Variants in C18orf32 observed in about 807,000 individuals in gnomAD.
The protein encoded by C18orf32 is UPF0729 protein C18orf32.
Under a neutral mutation model 7.4 loss-of-function variants are expected in C18orf32, and 5 were observed. The observed-to-expected ratio is 0.68, with a 90% CI of 0.35 to 1.42. C18orf32 has a LOEUF of 1.42. C18orf32 is among the 40% of genes most tolerant of loss of function. The pLI is 0.04. For synonymous variants in C18orf32, 30 were observed against 29.3 expected, an observed-to-expected ratio of 1.02 and a Z score of -0.08; for missense variants, 88 against 92.4, an observed-to-expected ratio of 0.95 and a Z score of 0.19.
At position 49,482,190 on chromosome 18, in the gene C18orf32, G is replaced by A. The variant is rs984851061; in HGVS notation, c.*155C>T. On this transcript the variant is annotated 3_prime_UTR_variant, in exon 3 of 3. Coordinates refer to ENST00000318240, the MANE Select transcript of C18orf32 (RefSeq NM_001035005.4). The stretch of plus-strand genomic sequence containing the variant: ...ATATAACTAACTACATTTTAAATAC[G>A]GATATCATATATTTCCTGATTAGTA... The A allele has an allele frequency of 3.3e-5, 21 of 639,642 alleles. No homozygotes were observed. Among genetic ancestry groups the A allele is most frequent in the East Asian group, 1.6e-4 (6 of 36,796 alleles). 39.6% of individuals were successfully genotyped at this position (639,642 alleles called of 1,614,324 possible).
rs2083637723 is a variant in C18orf32 at position 49,478,693 on chromosome 18, C to T, written c.*3652G>A. ...GCTCTTACTAAAAAGGCAGCCCTGACCTTTACACAGACAGATGTTGATATT... is the reference window on the plus strand; with the variant it reads ...GCTCTTACTAAAAAGGCAGCCCTGATCTTTACACAGACAGATGTTGATATT... On this transcript the variant is annotated 3_prime_UTR_variant, in exon 3 of 3. Transcript: ENST00000318240. The T allele has an allele frequency of 6.7e-6, 1 of 150,250 alleles. No individual in the cohort carries two copies. Among genetic ancestry groups the T allele is most frequent in the Admixed American group, 6.6e-5 (1 of 15,226 alleles). The allele number at this position is 150,250 out of a possible 1,614,324, so 9.3% of individuals were successfully genotyped here.
At chr18:49,485,531 G>A (rs1450236919) in intron 1 of C18orf32, among the ~76,000 whole-genome samples, 3 of 151,384 alleles carry the variant, frequency 2.0e-5, no homozygotes, top group Admixed American at 6.6e-5. Flanking sequence ...TCCAGCCTGC[G>A]TGACAAGAGC....
rs1050982924 is a variant in C18orf32 at position 49,481,193 on chromosome 18, A to G, written c.*1152T>C. The G allele has an allele frequency of 1.3e-5, 2 of 152,140 alleles. No homozygotes were observed. Among genetic ancestry groups the G allele is most frequent in the African/African-American group, 4.8e-5 (2 of 41,440 alleles). 9.4% of individuals were successfully genotyped at this position (152,140 alleles called of 1,614,324 possible). A position where few individuals can be genotyped will look rare whatever the true frequency, so the allele number is the denominator to read the frequency against. On this transcript the variant is annotated 3_prime_UTR_variant, in exon 3 of 3. Transcript: ENST00000318240. ...TGAGACCTGCTGATTTACATGATTT[A>G]TATCAAATAAAGCCCAAGGTAAATC...
intron 2 of C18orf32, among the ~76,000 whole-genome samples, 154 bp from the exon 3 acceptor site, chr18:49,482,564 T>A (rs986374583): frequency 6.6e-6 from 1 of 151,806 alleles, no homozygotes; most frequent in Non-Finnish European, 1.5e-5. Flanking sequence ...CCGTCCCTAC[T>A]AAAAATACAA....
rs1190673263 is a variant in C18orf32, at chr18:49,478,640, G to A, written c.*3705C>T. ...TGTGTGTGAAACACCCATGAACAGT[G>A]CAGGTACAATGTGTTTAACAAAGGG... On this transcript the variant is annotated 3_prime_UTR_variant, in exon 3 of 3. Transcript: ENST00000318240. The A allele has an allele frequency of 6.7e-6, 1 of 150,292 alleles. No individual in the cohort carries two copies. The highest frequency in any genetic ancestry group is 1.5e-5 in the Non-Finnish European group (1 of 68,038). The allele number at this position is 150,292 out of a possible 1,614,324, so 9.3% of individuals were successfully genotyped here.
At chr18:49,485,201 G>C (rs990838284) in intron 1 of C18orf32, among the ~76,000 whole-genome samples, 69 of 152,348 alleles carry the variant, frequency 4.5e-4, no homozygotes, top group African/African-American at 1.6e-3. Flanking sequence ...GTAAACGGTG[G>C]CATAGAGAAT....
chr18:49,483,430 A>C (rs1373156702), intron 2 of C18orf32, among the ~76,000 whole-genome samples, 154 bp downstream of exon 2: 5 of 152,214 alleles, frequency 3.3e-5, no homozygotes, highest in Non-Finnish European at 7.3e-5. Context: ...CAAATGCATT[A>C]ATCAGAGGCC....
intron 1 of C18orf32, among the ~76,000 whole-genome samples, chr18:49,484,167 TACACACACACACACACACAC>T (rs72071720): frequency 1.1e-5 from 1 of 93,866 alleles, no homozygotes; most frequent in Non-Finnish European, 2.0e-5. Context: ...TATATATATA[TACACACACACACACACACAC>T]ACACACACAC....
chr18:49,483,448 A>G, intron 2 of C18orf32, 136 bp downstream of exon 2: 1 of 1,187,460 alleles, frequency 8.4e-7, no homozygotes, highest in Non-Finnish European at 1.2e-6. Flanking sequence ...GCCTACTTTA[A>G]AACTTTAATT....
At position 49,477,799 on chromosome 18, in the gene C18orf32, A is replaced by AAAAT. The variant is rs760268884; in HGVS notation, c.*4545_*4546insATTT. ...TTCCAAAAACAAACAAACAAACAAA[A>AAAAT]ATATATATATATACACACACTATAT... On this transcript the variant is annotated 3_prime_UTR_variant, in exon 3 of 3. Transcript: ENST00000318240. 8.3e-4 allele frequency: 117 copies of AAAAT among 140,680 alleles called. 5 individuals carry two copies. The highest frequency in any genetic ancestry group is 2.0e-3 in the African/African-American group (68 of 34,328). The allele number at this position is 140,680 out of a possible 1,614,324, so 8.7% of individuals were successfully genotyped here. A position where few individuals can be genotyped will look rare whatever the true frequency, so the allele number is the denominator to read the frequency against.
chr18:49,477,822 T>G lies in C18orf32; in HGVS notation c.*4523A>C, dbSNP rs938286764. 1 of 82,502 alleles carries G rather than the reference T, an allele frequency of 1.2e-5. No individual in the cohort carries two copies. The highest frequency in any genetic ancestry group is 1.4e-4 in the Admixed American group (1 of 7,290). 5.1% of individuals were successfully genotyped at this position (82,502 alleles called of 1,614,324 possible). On this transcript the variant is annotated 3_prime_UTR_variant, in exon 3 of 3. Transcript: ENST00000318240. ...AAAATATATATATATACACACACTATATATATATACACATATATATATATA... is the reference window on the plus strand; with the variant it reads ...AAAATATATATATATACACACACTAGATATATATACACATATATATATATA...
Position 49,482,167 on chromosome 18 carries a change from A to G in C18orf32, c.*178T>C, listed in dbSNP as rs2083668961. ...GAACTTAGGAATGAGGTCATTAAAT[A>G]TAACTAACTACATTTTAAATACGGA... On this transcript the variant is annotated 3_prime_UTR_variant, in exon 3 of 3. Transcript: ENST00000318240. 3 of 583,570 alleles carry G rather than the reference A, an allele frequency of 5.1e-6. No homozygotes were observed. Among genetic ancestry groups the G allele is most frequent in the East Asian group, 3.0e-5 (1 of 33,738 alleles). The allele number at this position is 583,570 out of a possible 1,614,324, so 36.1% of individuals were successfully genotyped here. A position where few individuals can be genotyped will look rare whatever the true frequency, so the allele number is the denominator to read the frequency against.
Position 49,480,487 on chromosome 18 carries a change from G to A in C18orf32, c.*1858C>T, listed in dbSNP as rs916173693. 2 of 151,772 alleles carry A rather than the reference G, an allele frequency of 1.3e-5. No individual in the cohort carries two copies. Among genetic ancestry groups the A allele is most frequent in the East Asian group, 1.9e-4 (1 of 5,172 alleles). 9.4% of individuals were successfully genotyped at this position (151,772 alleles called of 1,614,324 possible). A position where few individuals can be genotyped will look rare whatever the true frequency, so the allele number is the denominator to read the frequency against. On this transcript the variant is annotated 3_prime_UTR_variant, in exon 3 of 3. Transcript: ENST00000318240. ...TTTTAAAAGATGATGTGTGGGCCAG[G>A]TGCAGTAGTAGCTCATGCCTGTAAT... is the stretch of plus-strand genomic sequence containing the variant.
In C18orf32 at chr18:49,478,300, G is replaced by T. The variant is rs1429617927; in HGVS notation, c.*4045C>A. The T allele has an allele frequency of 2.0e-5, 3 of 150,110 alleles. No individual in the cohort carries two copies. The highest frequency in any genetic ancestry group is 2.9e-5 in the Non-Finnish European group (2 of 68,080). 9.3% of individuals were successfully genotyped at this position (150,110 alleles called of 1,614,324 possible). A position where few individuals can be genotyped will look rare whatever the true frequency, so the allele number is the denominator to read the frequency against. Reference sequence around the variant, plus strand: ...TTTTCTTTTGAGACAGTCTTGCTCTGTCACCTAGGCTGGAGTGCAGTGGTA... The same window carrying T: ...TTTTCTTTTGAGACAGTCTTGCTCTTTCACCTAGGCTGGAGTGCAGTGGTA... On this transcript the variant is annotated 3_prime_UTR_variant, in exon 3 of 3. Coordinates refer to ENST00000318240, the MANE Select transcript of C18orf32 (RefSeq NM_001035005.4).
Position 49,477,819 on chromosome 18 carries a change from CTATATATATATACACA to C in C18orf32, c.*4510_*4525del, listed in dbSNP as rs1357732787. ...ACAAAAATATATATATATACACACA[CTATATATATATACACA>C]TATATATATATACACACACTATATA... On this transcript the variant is annotated 3_prime_UTR_variant, in exon 3 of 3. Transcript: ENST00000318240. The C allele has an allele frequency of 2.3e-3, 220 of 97,742 alleles. 17 individuals are homozygous for C. Among genetic ancestry groups the C allele is most frequent in the African/African-American group, 9.0e-3 (206 of 22,832 alleles). The allele number at this position is 97,742 out of a possible 1,614,324, so 6.1% of individuals were successfully genotyped here.
chr18:49,481,945 T>A lies in C18orf32; in HGVS notation c.*400A>T, dbSNP rs1043677941. 1.5e-5 allele frequency: 3 copies of A among 201,008 alleles called. No individual in the cohort carries two copies. Among genetic ancestry groups the A allele is most frequent in the Non-Finnish European group, 2.0e-5 (2 of 99,680 alleles). The allele number at this position is 201,008 out of a possible 1,614,324, so 12.5% of individuals were successfully genotyped here. ...TTCCCTGCACAGTTTCACTGGACTG[T>A]TTCACAACAAAATTGTACTCCACTC... On this transcript the variant is annotated 3_prime_UTR_variant, in exon 3 of 3. Transcript: ENST00000318240.
chr18:49,483,259 T>C (rs28673685), intron 2 of C18orf32, among the ~76,000 whole-genome samples: 3,630 of 151,738 alleles, frequency 0.024, 139 homozygotes, highest in African/African-American at 0.082. Context: ...TTTAAAAAAA[T>C]TGTTTTTTTT....
At position 49,483,672 on chromosome 18, in the gene C18orf32, G is replaced by C. The variant is rs758219583; in HGVS notation, c.77C>G (p.Pro26Arg). 13 of 1,613,892 alleles carry C rather than the reference G, an allele frequency of 8.1e-6. No individual in the cohort carries two copies. In the East Asian group the frequency reaches 2.7e-4, roughly 33 times the overall value. ...ACGACTAACGAAGGGGGAAACCAGAGGGTATATATATGGCTCCAGGAATTT... is the reference window on the plus strand; with the variant it reads ...ACGACTAACGAAGGGGGAAACCAGACGGTATATATATGGCTCCAGGAATTT... ...YKKFLEPYIY[P>R]LVSPFVSRIW... The change falls in exon 2 of 3, where the codon CCT (proline) becomes CGT (arginine). Residue 26 changes from proline to arginine, a missense_variant. By Grantham distance (103) the Pro-to-Arg change is moderately radical. Coordinates refer to ENST00000318240, the MANE Select transcript of C18orf32 (RefSeq NM_001035005.4).
intron 2 of C18orf32, among the ~76,000 whole-genome samples, chr18:49,482,652 G>A (rs1436912244): frequency 6.6e-6 from 1 of 151,744 alleles, no homozygotes; most frequent in East Asian, 1.9e-4. Flanking sequence ...GTTTGAACCT[G>A]GGAGACGGAA....
Sources: gnomAD v4.1 joint callset for allele counts (sites outside exome capture counted in the v4.1 genomes callset) on GRCh38, gnomAD v4.1.1 for gene constraint, MANE v1.5 for transcripts, NCBI Gene and HGNC (gene_info 2026-07-23, HGNC 2026-07-21) for gene names.